The following LHFPL6 variants were observed in gnomAD, a reference collection of about 807,000 sequenced individuals.
The protein encoded by LHFPL6 is LHFPL tetraspan subfamily member 6.
A neutral mutation model predicts 20.6 loss-of-function variants in LHFPL6; 9 were observed. The observed-to-expected ratio is 0.44, with a 90% CI of 0.26 to 0.76. LHFPL6 has a LOEUF of 0.76. Ranked by LOEUF, LHFPL6 falls within the 30% of genes least tolerant of loss-of-function variation. The pLI is 0.20. For synonymous variants in LHFPL6, 105 were observed against 98.7 expected (o/e 1.06, Z -0.38); for missense variants, 218 against 253.5 (o/e 0.86, Z 0.95).
chr13:39,440,682 C>T (rs1023074633), intron 2 of LHFPL6, among the ~76,000 whole-genome samples: 1 of 152,080 alleles, frequency 6.6e-6, no homozygotes, highest in African/African-American at 2.4e-5. Context: ...CTCACTGCAG[C>T]CTTCACCTCC....
At chr13:39,448,412 G>A (rs1284877730) in intron 2 of LHFPL6, among the ~76,000 whole-genome samples, 4 of 152,084 alleles carry the variant, frequency 2.6e-5, no homozygotes, top group Admixed American at 2.0e-4. Flanking sequence ...AAATAGAGAA[G>A]GATTCTTTAA....
At chr13:39,427,839 G>T (rs1469079725) in intron 2 of LHFPL6, among the ~76,000 whole-genome samples, 1 of 152,218 alleles carries the variant, frequency 6.6e-6, no homozygotes, top group Non-Finnish European at 1.5e-5. Context: ...GATCACAGGG[G>T]TGGGTCCTTC....
At chr13:39,418,380 G>GTT (rs145990680) in intron 2 of LHFPL6, among the ~76,000 whole-genome samples, 2 of 29,726 alleles carry the variant, frequency 6.7e-5, no homozygotes, top group African/African-American at 9.1e-5. Context: ...AGTTTTTTTG[G>GTT]TCTTTTTTTT....
At chr13:39,492,219 A>T (rs898672026) in intron 2 of LHFPL6, among the ~76,000 whole-genome samples, 43 of 152,222 alleles carry the variant, frequency 2.8e-4, no homozygotes, top group Non-Finnish European at 5.7e-4. Context: ...TTTGTAGGTG[A>T]AGATAGCAAT....
intron 2 of LHFPL6, among the ~76,000 whole-genome samples, chr13:39,554,198 T>C (rs950254862): frequency 6.6e-6 from 1 of 152,192 alleles, no homozygotes; most frequent in Non-Finnish European, 1.5e-5. Flanking sequence ...CTATAATCAA[T>C]CACTTAATCT....
intron 2 of LHFPL6, among the ~76,000 whole-genome samples, chr13:39,576,408 T>C (rs1271444981): frequency 1.3e-5 from 2 of 152,190 alleles, no homozygotes; most frequent in Non-Finnish European, 2.9e-5. Flanking sequence ...TGACAGGTAC[T>C]AGTATTAAAT....
intron 2 of LHFPL6, among the ~76,000 whole-genome samples, chr13:39,445,842 T>C (rs1872272075): frequency 6.6e-6 from 1 of 152,162 alleles, no homozygotes; most frequent in Non-Finnish European, 1.5e-5. Flanking sequence ...AAAATGAGTC[T>C]TCAAAGGTTG....
At chr13:39,394,153 T>G (rs1327253805) in intron 2 of LHFPL6, among the ~76,000 whole-genome samples, 2 of 152,204 alleles carry the variant, frequency 1.3e-5, no homozygotes, top group Non-Finnish European at 2.9e-5. Flanking sequence ...TTGCCCAGGC[T>G]GGTCTCAAAC....
chr13:39,395,867 G>A (rs1256685203), intron 2 of LHFPL6, among the ~76,000 whole-genome samples: 1 of 152,194 alleles, frequency 6.6e-6, no homozygotes, highest in Non-Finnish European at 1.5e-5. Flanking sequence ...ATGGCTGCTG[G>A]TGGCAAAGCA....
At chr13:39,512,670 G>A (rs1281373758) in intron 2 of LHFPL6, among the ~76,000 whole-genome samples, 2 of 151,766 alleles carry the variant, frequency 1.3e-5, no homozygotes, top group African/African-American at 4.8e-5. Flanking sequence ...AGAATGATTA[G>A]CCAGTTCTGT....
intron 2 of LHFPL6, among the ~76,000 whole-genome samples, chr13:39,491,402 C>G (rs1426602560): frequency 4.6e-5 from 7 of 152,110 alleles, no homozygotes; most frequent in Non-Finnish European, 1.0e-4. Context: ...GCTGAAGCAG[C>G]AGAGAGAAGG....
chr13:39,602,223 C>G (rs936568480), intron 1 of LHFPL6, among the ~76,000 whole-genome samples: 1 of 152,168 alleles, frequency 6.6e-6, no homozygotes, highest in African/African-American at 2.4e-5. Flanking sequence ...TTAACCATTT[C>G]TCACACTTTC....
intron 3 of LHFPL6, among the ~76,000 whole-genome samples, chr13:39,370,318 T>C (rs1464847634): frequency 6.6e-6 from 1 of 152,170 alleles, no homozygotes; most frequent in African/African-American, 2.4e-5. Context: ...TTGGCTTTCC[T>C]GTGATTCTGT....
intron 3 of LHFPL6, among the ~76,000 whole-genome samples, chr13:39,370,918 C>A (rs1359496015): frequency 6.6e-6 from 1 of 152,148 alleles, no homozygotes. Context: ...TTTTACCCAG[C>A]TGACCTAGCC....
chr13:39,568,942 A>G (rs1273997645), intron 2 of LHFPL6, among the ~76,000 whole-genome samples: 1 of 152,218 alleles, frequency 6.6e-6, no homozygotes, highest in African/African-American at 2.4e-5. Context: ...CCATCCTTCA[A>G]CCTGAGCAGT....
At position 39,600,988 on chromosome 13, in the gene LHFPL6, T is replaced by C. The variant is rs1327957859; in HGVS notation, c.229A>G (p.Ile77Val). 4 of 1,613,844 alleles carry C rather than the reference T, an allele frequency of 2.5e-6. No individual in the cohort carries two copies. The highest frequency in any genetic ancestry group is 2.5e-6 in the Non-Finnish European group (3 of 1,179,824). The change falls in exon 2 of 4, where the codon ATC becomes GTC. Residue 77 changes from isoleucine to valine, a missense_variant. Ile to Val is a conservative substitution (Grantham distance 29). Coordinates refer to ENST00000379589, the MANE Select transcript of LHFPL6 (RefSeq NM_005780.3). ...CAGATCCTCCATTCTGCGCTGGGGATGCCCTGGAAGGAGGCATAGCGCCCA... is the reference window on the plus strand; with the variant it reads ...CAGATCCTCCATTCTGCGCTGGGGACGCCCTGGAAGGAGGCATAGCGCCCA... ...ECGRYASFQGIPSAEWRICTI... is the reference protein window; with the variant it reads ...ECGRYASFQGVPSAEWRICTI...
intron 2 of LHFPL6, among the ~76,000 whole-genome samples, chr13:39,476,095 T>C (rs562928294): frequency 6.6e-6 from 1 of 152,260 alleles, no homozygotes; most frequent in Admixed American, 6.5e-5. Flanking sequence ...TTACTATTTC[T>C]ATAAAAACAC....
At chr13:39,416,784 T>A (rs1012276357) in intron 2 of LHFPL6, among the ~76,000 whole-genome samples, 2 of 152,110 alleles carry the variant, frequency 1.3e-5, no homozygotes, top group African/African-American at 2.4e-5. Context: ...GTAGAAAAAA[T>A]TTGTAAATGG....
In LHFPL6 at chr13:39,569,148, TGGACGGAC is replaced by T. The variant is rs747576240; in HGVS notation, c.385+31676_385+31683del. Among the ~76,000 whole-genome samples the T allele has an allele frequency of 1.2e-4, 17 of 144,392 alleles. 1 individual carries two copies. In the South Asian group the frequency reaches 1.3e-3, roughly 11 times the overall value. The allele number at this position is 144,392 out of a possible 152,430, so 94.7% of individuals were successfully genotyped here. A position where few individuals can be genotyped will look rare whatever the true frequency, so the allele number is the denominator to read the frequency against. Reference sequence around the variant, plus strand: ...AAACACGGATGGATGGATGGATGGATGGACGGACGGATGGATGGATGGATGGATGGATG... The same window carrying T: ...AAACACGGATGGATGGATGGATGGATGGATGGATGGATGGATGGATGGATG... On this transcript the variant is annotated intron_variant, in intron 2 of 3. Transcript: ENST00000379589.
Sources: gnomAD v4.1 joint callset for allele counts (sites outside exome capture counted in the v4.1 genomes callset) on GRCh38, gnomAD v4.1.1 for gene constraint, MANE v1.5 for transcripts, NCBI Gene and HGNC (gene_info 2026-07-23, HGNC 2026-07-21) for gene names.